TP63: variants seen among roughly 807,000 people sequenced by gnomAD.
The protein encoded by TP63 is tumor protein p63, also known as tumor protein 63.
TP63 carries 17 observed loss-of-function variants against 82.8 expected under a neutral mutation model. That is an observed-to-expected ratio of 0.21 (90% CI 0.14 to 0.31). The LOEUF is 0.31. Ranked by LOEUF, TP63 falls within the 10% of genes least tolerant of loss-of-function variation. The pLI is 1.00. For missense variants in TP63, 648 were observed against 895.3 expected, an observed-to-expected ratio of 0.72 and a Z score of 3.52; for synonymous variants, 330 against 321.7, an observed-to-expected ratio of 1.03 and a Z score of -0.28.
At chr3:189,751,872 G>A (rs1424422853) in intron 3 of TP63, among the ~76,000 whole-genome samples, 1 of 152,086 alleles carries the variant, frequency 6.6e-6, no homozygotes, top group Non-Finnish European at 1.5e-5. Context: ...TGCTTTTGGT[G>A]TTTTAATCAT....
At chr3:189,798,108 TC>T (rs1375070387) in intron 3 of TP63, among the ~76,000 whole-genome samples, 1 of 152,054 alleles carries the variant, frequency 6.6e-6, no homozygotes, top group Admixed American at 6.6e-5. Context: ...TCAGTAATGT[TC>T]CCTGAATGTG....
chr3:189,705,797 G>T (rs2108747019), intron 1 of TP63, among the ~76,000 whole-genome samples: 1 of 152,258 alleles, frequency 6.6e-6, no homozygotes, highest in East Asian at 1.9e-4. Context: ...AAGGTAGAAA[G>T]GAACACTGGC....
At chr3:189,832,048 T>C (rs965779213) in intron 4 of TP63, among the ~76,000 whole-genome samples, 2 of 152,038 alleles carry the variant, frequency 1.3e-5, no homozygotes, top group Non-Finnish European at 2.9e-5. Flanking sequence ...GTCAGGCTGG[T>C]CTTGAACGCC....
intron 3 of TP63, among the ~76,000 whole-genome samples, chr3:189,749,616 A>G (rs897606033): frequency 3.3e-5 from 5 of 152,218 alleles, no homozygotes; most frequent in African/African-American, 9.6e-5. Context: ...ACCACTACAG[A>G]AAATAGTATG....
At chr3:189,835,777 G>C (rs1713046296) in intron 4 of TP63, among the ~76,000 whole-genome samples, 1 of 151,984 alleles carries the variant, frequency 6.6e-6, no homozygotes, top group Non-Finnish European at 1.5e-5. Flanking sequence ...AACTGGCCAT[G>C]GTGGCAGGTG....
chr3:189,889,130 A>C (rs1312029337), intron 11 of TP63, among the ~76,000 whole-genome samples: 2 of 152,238 alleles, frequency 1.3e-5, no homozygotes, highest in Non-Finnish European at 2.9e-5. Flanking sequence ...GACAAGGTAC[A>C]AAAGTCAAGA....
rs561117500 is a variant in TP63, at chr3:189,800,670, G to A, written c.325-7602G>A. Among the ~76,000 whole-genome samples the A allele has an allele frequency of 3.3e-5, 5 of 151,964 alleles. No individual in the cohort carries two copies. The South Asian group carries it at 6.2e-4, about 19-fold the overall frequency. ...CCAGGCTCTTCTCACTACCTTGGGC[G>A]AGTTACTTAACCTTGTGGAGCTTCA... On this transcript the variant is annotated intron_variant, in intron 3 of 13. Transcript: ENST00000264731.
At chr3:189,849,819 T>C (rs776827206) in intron 4 of TP63, among the ~76,000 whole-genome samples, 7 of 152,140 alleles carry the variant, frequency 4.6e-5, no homozygotes, top group Non-Finnish European at 7.4e-5. Context: ...AAGTCTCAGT[T>C]TTATATCAGA....
At chr3:189,838,067 G>A (rs1448308971) in intron 4 of TP63, among the ~76,000 whole-genome samples, 1 of 152,144 alleles carries the variant, frequency 6.6e-6, no homozygotes, top group East Asian at 1.9e-4. Context: ...TTGCCATAGT[G>A]AGGTCAGGAT....
intron 1 of TP63, among the ~76,000 whole-genome samples, chr3:189,689,576 G>T (rs537982926): frequency 5.9e-5 from 9 of 152,090 alleles, no homozygotes; most frequent in Non-Finnish European, 8.8e-5. Context: ...TTCTTGAATC[G>T]TGTATTGGGA....
chr3:189,616,520 C>G, the TP63 span, among the ~76,000 whole-genome samples: 5 of 152,196 alleles, frequency 3.3e-5, no homozygotes, highest in African/African-American at 1.2e-4. Flanking sequence ...ACCTTTTCTA[C>G]CTCCTTCATC....
chr3:189,721,928 G>A (rs116501411), intron 1 of TP63, among the ~76,000 whole-genome samples: 1,687 of 152,354 alleles, frequency 0.011, 24 homozygotes, highest in East Asian at 0.059. Flanking sequence ...ATATTCTAAT[G>A]TGTAGCCAGC....
chr3:189,801,233 T>C (rs1726274892), intron 3 of TP63, among the ~76,000 whole-genome samples: 1 of 152,220 alleles, frequency 6.6e-6, no homozygotes, highest in African/African-American at 2.4e-5. Context: ...CTTTTAATAT[T>C]ACCATATCTG....
At chr3:189,636,959 G>A (rs997567433) in intron 1 of TP63, among the ~76,000 whole-genome samples, 4 of 152,038 alleles carry the variant, frequency 2.6e-5, no homozygotes, top group Non-Finnish European at 5.9e-5. Flanking sequence ...TTACAATAAT[G>A]TATATTCATT....
chr3:189,784,490 A>C (rs1724451636), intron 3 of TP63, among the ~76,000 whole-genome samples: 1 of 152,092 alleles, frequency 6.6e-6, no homozygotes, highest in South Asian at 2.1e-4. Context: ...CATCTGTGCA[A>C]TAACAATGAA....
chr3:189,889,498 A>T lies in TP63; in HGVS notation c.1652+14A>T. The T allele has an allele frequency of 6.2e-7, 1 of 1,614,118 alleles. No homozygotes were observed. The highest frequency in any genetic ancestry group is 8.5e-7 in the Non-Finnish European group (1 of 1,179,984). On this transcript the variant is annotated intron_variant, in intron 12 of 13. Transcript: ENST00000264731. ...CAGCATTGTCAGGTGAGTCCACAGC[A>T]TGTGCCCCTGGGGGCCTGCCCTAAG...
Position 189,890,872 on chromosome 3 carries a change from A to G in TP63, c.1736A>G (p.Tyr579Cys), listed in dbSNP as rs1720947686. The change falls in exon 13 of 14, where the codon TAC becomes TGC. Residue 579 changes from tyrosine (Y) to cysteine (C), a missense_variant. Physicochemically the swap from Tyr to Cys is radical, Grantham distance 194 (BLOSUM62 -2). Coordinates refer to ENST00000264731, the MANE Select transcript of TP63 (RefSeq NM_003722.5). ...ACCACCATCTATCAGATTGAGCATTACTCCATGGATGTAAGTAACTGTTAG... is the reference window on the plus strand; with the variant it reads ...ACCACCATCTATCAGATTGAGCATTGCTCCATGGATGTAAGTAACTGTTAG... Reference protein sequence around the residue: ...GLTTIYQIEHYSMDDLASLKI... With the variant: ...GLTTIYQIEHCSMDDLASLKI... 2 of 1,613,578 alleles carry G rather than the reference A, an allele frequency of 1.2e-6. No homozygotes were observed. The highest frequency in any genetic ancestry group is 2.2e-5 in the South Asian group (2 of 91,062).
At chr3:189,818,608 A>G (rs141242197) in intron 4 of TP63, among the ~76,000 whole-genome samples, 90 of 152,274 alleles carry the variant, frequency 5.9e-4, no homozygotes, top group African/African-American at 2.0e-3. Flanking sequence ...CTTGTATAAT[A>G]TATTCCTGTT....
At chr3:189,742,843 A>G (rs771716930) in intron 3 of TP63, among the ~76,000 whole-genome samples, 9 of 152,234 alleles carry the variant, frequency 5.9e-5, no homozygotes, top group Non-Finnish European at 1.0e-4. Flanking sequence ...AAGCACAGAA[A>G]AAGGAATGAT....
Sources: gnomAD v4.1 joint callset for allele counts (sites outside exome capture counted in the v4.1 genomes callset) on GRCh38, gnomAD v4.1.1 for gene constraint, MANE v1.5 for transcripts, NCBI Gene and HGNC (gene_info 2026-07-23, HGNC 2026-07-21) for gene names.